Variants in RASD2 observed in about 807,000 individuals in gnomAD.
RASD2 encodes GTP-binding protein Rhes.
Under a neutral mutation model 15.8 loss-of-function variants are expected in RASD2, and 7 were observed. The observed-to-expected ratio is 0.44, with a 90% CI of 0.25 to 0.83. The LOEUF is 0.83. Ranked by LOEUF, RASD2 falls within the 40% of genes least tolerant of loss-of-function variation. RASD2 has a pLI of 0.20. For synonymous variants in RASD2, 155 were observed against 153.6 expected (o/e 1.01, Z -0.07); for missense variants, 274 against 382.8 (o/e 0.72, Z 2.37).
intron 1 of RASD2, among the ~76,000 whole-genome samples, chr22:35,543,991 C>T (rs1601812047): frequency 6.6e-6 from 1 of 150,546 alleles, no homozygotes; most frequent in South Asian, 2.1e-4. Context: ...CCTCTGCCTC[C>T]TCTCTTTGAC....
chr22:35,545,331 G>A (rs1934469034), intron 1 of RASD2, among the ~76,000 whole-genome samples: 1 of 152,198 alleles, frequency 6.6e-6, no homozygotes, highest in South Asian at 2.1e-4. Flanking sequence ...GGGTCAATGG[G>A]CGAGGCACTC....
At chr22:35,546,092 C>T (rs1934496002) in intron 1 of RASD2, among the ~76,000 whole-genome samples, 1 of 152,096 alleles carries the variant, frequency 6.6e-6, no homozygotes, top group African/African-American at 2.4e-5. Context: ...AAGTAAACAC[C>T]TAGGGCCTGG....
the RASD2 span, among the ~76,000 whole-genome samples, chr22:35,533,262 C>T: frequency 4.6e-5 from 7 of 152,198 alleles, no homozygotes; most frequent in Non-Finnish European, 1.0e-4. Flanking sequence ...TGCGTGTTTC[C>T]CAGGGCTGTT....
At chr22:35,539,938 C>T (rs2145865577), upstream of RASD2, among the ~76,000 whole-genome samples, 1 of 152,336 alleles carries the variant, frequency 6.6e-6, no homozygotes, top group East Asian at 1.9e-4. Flanking sequence ...GTGTCCCCGT[C>T]GGCCGTGGTC....
At position 35,552,347 on chromosome 22, in the gene RASD2, G is replaced by A; in HGVS notation, c.*315G>A. On this transcript the variant is annotated 3_prime_UTR_variant, in exon 3 of 3. Transcript: ENST00000216127. ...GTTGGAAGAAATGTTGATGCCAGAG[G>A]GGTGAGGATTGCTGCGTCATATGGA... The A allele has an allele frequency of 2.5e-6, 1 of 407,848 alleles. No individual in the cohort carries two copies. Among genetic ancestry groups the A allele is most frequent in the Non-Finnish European group, 4.4e-6 (1 of 225,024 alleles). 25.3% of individuals were successfully genotyped at this position (407,848 alleles called of 1,614,324 possible). A position where few individuals can be genotyped will look rare whatever the true frequency, so the allele number is the denominator to read the frequency against.
intron 2 of RASD2, among the ~76,000 whole-genome samples, chr22:35,549,142 CA>C (rs1203572941): frequency 2.0e-5 from 3 of 152,258 alleles, no homozygotes; most frequent in Non-Finnish European, 4.4e-5. Context: ...CCCATGTCCC[CA>C]ATCCCAGGCT....
At chr22:35,548,537 A>T (rs1259135082) in intron 2 of RASD2, among the ~76,000 whole-genome samples, 1 of 152,188 alleles carries the variant, frequency 6.6e-6, no homozygotes, top group African/African-American at 2.4e-5. Context: ...CATCATTCAG[A>T]TAACCCCCCA....
At position 35,541,057 on chromosome 22, in the gene RASD2, C is replaced by T. The variant is rs1934332156; in HGVS notation, c.-453C>T. On this transcript the variant is annotated 5_prime_UTR_variant, in exon 1 of 3. Transcript: ENST00000216127. ...CTGGGACACGCACCCACAGTCACCT[C>T]CAAAGGACCCCCCCTCCCCAAGTCT... The T allele has an allele frequency of 6.6e-6, 1 of 152,336 alleles. No individual in the cohort carries two copies. Among genetic ancestry groups the T allele is most frequent in the African/African-American group, 2.4e-5 (1 of 41,418 alleles). 9.4% of individuals were successfully genotyped at this position (152,336 alleles called of 1,614,324 possible). A position where few individuals can be genotyped will look rare whatever the true frequency, so the allele number is the denominator to read the frequency against.
chr22:35,539,328 C>G (rs1260714758), upstream of RASD2, among the ~76,000 whole-genome samples: 1 of 152,132 alleles, frequency 6.6e-6, no homozygotes, highest in Non-Finnish European at 1.5e-5. Flanking sequence ...GCCAATGGAG[C>G]TGACCCCTCA....
upstream of RASD2, among the ~76,000 whole-genome samples, chr22:35,536,697 G>C (rs1012419343): frequency 5.9e-5 from 9 of 152,072 alleles, no homozygotes; most frequent in Non-Finnish European, 1.2e-4. Context: ...CAATCTTCTG[G>C]CCAGTGCTTC....
chr22:35,547,332 A>T (rs576263360), intron 2 of RASD2, among the ~76,000 whole-genome samples: 3 of 152,352 alleles, frequency 2.0e-5, no homozygotes, highest in African/African-American at 7.2e-5. Flanking sequence ...TCAGGAGCTG[A>T]TACCAGCATG....
At chr22:35,546,765 G>T in intron 1 of RASD2, 36 bp from the exon 2 acceptor site, 1 of 1,597,452 alleles carries the variant, frequency 6.3e-7, no homozygotes. Context: ...CCAGGTCGGG[G>T]GGGCCCTGAT....
intron 1 of RASD2, among the ~76,000 whole-genome samples, chr22:35,546,354 G>A (rs1167064011): frequency 6.6e-6 from 1 of 152,182 alleles, no homozygotes; most frequent in East Asian, 1.9e-4. Flanking sequence ...CAGGCTCCGG[G>A]AAAGCCAGAT....
At chr22:35,543,942 A>C (rs1471952418) in intron 1 of RASD2, among the ~76,000 whole-genome samples, 12 of 121,350 alleles carry the variant, frequency 9.9e-5, no homozygotes, top group Admixed American at 1.7e-4. Context: ...CCTCTCTCTG[A>C]CTCCCTGCCT....
At chr22:35,548,444 G>A (rs960758486) in intron 2 of RASD2, among the ~76,000 whole-genome samples, 4 of 152,202 alleles carry the variant, frequency 2.6e-5, no homozygotes, top group Non-Finnish European at 4.4e-5. Flanking sequence ...GGCCTGCTAC[G>A]GGTTACACGA....
At chr22:35,533,766 GTGA>G in the RASD2 span, among the ~76,000 whole-genome samples, 2 of 36,620 alleles carry the variant, frequency 5.5e-5, no homozygotes, top group African/African-American at 2.1e-4. Context: ...AGTGATGGTG[GTGA>G]TGATGACGAT....
intron 2 of RASD2, among the ~76,000 whole-genome samples, chr22:35,549,022 G>A (rs965547783): frequency 2.8e-4 from 43 of 152,206 alleles, no homozygotes; most frequent in African/African-American, 9.9e-4. Flanking sequence ...GGAGAGGGGA[G>A]ATGTAGAGAG....
chr22:35,540,019 C>A (rs978684335), upstream of RASD2, among the ~76,000 whole-genome samples: 1 of 152,240 alleles, frequency 6.6e-6, no homozygotes, highest in Non-Finnish European at 1.5e-5. Flanking sequence ...CTGGGCGACA[C>A]GTGCATGGCC....
At chr22:35,547,644 TC>T (rs1173345366) in intron 2 of RASD2, among the ~76,000 whole-genome samples, 1 of 152,304 alleles carries the variant, frequency 6.6e-6, no homozygotes, top group East Asian at 1.9e-4. Context: ...AAACAGAGTC[TC>T]GCTCTGTCAC....
Sources: allele counts gnomAD v4.1 joint callset (sites outside exome capture counted in the v4.1 genomes callset), GRCh38; gene constraint gnomAD v4.1.1; transcripts MANE v1.5; gene names NCBI Gene and HGNC (gene_info 2026-07-23, HGNC 2026-07-21).